Variants in TNR observed in about 807,000 individuals in gnomAD.
TNR encodes the protein tenascin-R.
In TNR, 45 loss-of-function variants were observed where a neutral mutation model predicts 150.4. That is an observed-to-expected ratio of 0.30 (90% CI 0.24 to 0.38). The LOEUF (loss-of-function observed/expected upper bound fraction) is 0.38. TNR is among the 10% of genes least tolerant of loss of function. The pLI, the probability that TNR is intolerant of heterozygous loss-of-function variation, is 1.00. For synonymous variants in TNR, 687 were observed against 678.4 expected (o/e 1.01, Z -0.20); for missense variants, 1,544 against 1,759.1 (o/e 0.88, Z 2.19).
chr1:175,651,948 ATAAT>A (rs1439949240), intron 1 of TNR, among the ~76,000 whole-genome samples: 1 of 151,302 alleles, frequency 6.6e-6, no homozygotes, highest in Non-Finnish European at 1.5e-5. Flanking sequence ...TGAAATAAGA[ATAAT>A]TATATTATTA....
At chr1:175,724,235 A>G (rs543629140) in intron 1 of TNR, among the ~76,000 whole-genome samples, 1 of 152,306 alleles carries the variant, frequency 6.6e-6, no homozygotes, top group Admixed American at 6.5e-5. Flanking sequence ...GCTGTACAGG[A>G]AGCATGATGC....
intron 2 of TNR, among the ~76,000 whole-genome samples, chr1:175,450,960 T>C (rs1233775730): frequency 6.6e-6 from 1 of 152,210 alleles, no homozygotes; most frequent in Non-Finnish European, 1.5e-5. Context: ...AATTCACCTT[T>C]AGCTTGAAGT....
At chr1:175,362,959 G>A in intron 13 of TNR, 150 bp from the exon 14 acceptor site, 1 of 1,010,738 alleles carries the variant, frequency 9.9e-7, no homozygotes, top group Non-Finnish European at 1.5e-6. Context: ...TGGGAATGTT[G>A]GAGTGTGAAG....
intron 1 of TNR, among the ~76,000 whole-genome samples, chr1:175,569,995 C>A (rs1661799263): frequency 6.6e-6 from 1 of 152,180 alleles, no homozygotes; most frequent in Non-Finnish European, 1.5e-5. Flanking sequence ...TAGCTGGCGG[C>A]CAAGACCTTA....
At chr1:175,697,783 A>G (rs1255625738) in intron 1 of TNR, among the ~76,000 whole-genome samples, 3 of 152,198 alleles carry the variant, frequency 2.0e-5, no homozygotes, top group Admixed American at 1.3e-4. Context: ...AACCCTCCTG[A>G]GTCCCCCCAC....
At chr1:175,352,930 T>C (rs1480343576) in intron 18 of TNR, among the ~76,000 whole-genome samples, 1 of 152,142 alleles carries the variant, frequency 6.6e-6, no homozygotes, top group Admixed American at 6.5e-5. Flanking sequence ...GGGGACTTTC[T>C]CTCACCTCTC....
intron 1 of TNR, among the ~76,000 whole-genome samples, chr1:175,655,878 G>T (rs867248019): frequency 6.6e-6 from 1 of 152,166 alleles, no homozygotes; most frequent in Admixed American, 6.5e-5. Context: ...GAGTCTCCTT[G>T]GGGATAGATG....
chr1:175,641,073 A>C (rs1664643114), intron 1 of TNR, among the ~76,000 whole-genome samples: 1 of 152,240 alleles, frequency 6.6e-6, no homozygotes, highest in Admixed American at 6.5e-5. Context: ...CGATAATAAA[A>C]GAACTCAAAG....
intron 2 of TNR, among the ~76,000 whole-genome samples, chr1:175,513,140 G>A (rs996012228): frequency 6.6e-6 from 1 of 152,174 alleles, no homozygotes; most frequent in African/African-American, 2.4e-5. Context: ...GGATAACATG[G>A]TAATCCTTGT....
At chr1:175,734,638 C>A (rs1667724749) in intron 1 of TNR, among the ~76,000 whole-genome samples, 2 of 152,330 alleles carry the variant, frequency 1.3e-5, no homozygotes, top group Middle Eastern at 3.4e-3. Flanking sequence ...AGCTGACCTG[C>A]CTCAAATTGT....
intron 20 of TNR, 162 bp from the exon 21 acceptor site, chr1:175,330,397 G>A: frequency 2.9e-6 from 2 of 693,838 alleles, no homozygotes; most frequent in Non-Finnish European, 4.4e-6. Flanking sequence ...AATGGACCCT[G>A]CCAGACTGAA....
intron 18 of TNR, among the ~76,000 whole-genome samples, chr1:175,350,221 G>T (rs1220821365): frequency 6.6e-6 from 1 of 152,190 alleles, no homozygotes; most frequent in African/African-American, 2.4e-5. Flanking sequence ...AGGGACAGGA[G>T]CAAAGGTAAT....
At chr1:175,554,618 A>G (rs6425352) in intron 1 of TNR, among the ~76,000 whole-genome samples, 83,506 of 151,682 alleles carry the variant, frequency 0.55, 23,291 homozygotes, top group East Asian at 0.7. Flanking sequence ...GTGGCAGTGC[A>G]GTATTTGGTG....
intron 1 of TNR, among the ~76,000 whole-genome samples, chr1:175,587,973 G>A (rs1234717593): frequency 6.6e-6 from 1 of 152,178 alleles, no homozygotes; most frequent in Non-Finnish European, 1.5e-5. Flanking sequence ...AAGGATGGGG[G>A]TCATTGGCTT....
intron 2 of TNR, among the ~76,000 whole-genome samples, chr1:175,417,006 TCAAA>T (rs1216977490): frequency 6.5e-5 from 1 of 15,492 alleles, no homozygotes; most frequent in African/African-American, 3.2e-4. Flanking sequence ...AGACTCCATC[TCAAA>T]AAAAGAAAGA....
chr1:175,436,254 C>T (rs1181654819), intron 2 of TNR, among the ~76,000 whole-genome samples: 1 of 152,194 alleles, frequency 6.6e-6, no homozygotes, highest in Non-Finnish European at 1.5e-5. Flanking sequence ...GTTCCATTCT[C>T]CCCGTCACTT....
intron 2 of TNR, among the ~76,000 whole-genome samples, chr1:175,412,059 A>G (rs567807883): frequency 2.0e-5 from 3 of 152,242 alleles, no homozygotes; most frequent in Admixed American, 6.5e-5. Flanking sequence ...GCAGGGCCCT[A>G]TGGTGATTTT....
intron 2 of TNR, among the ~76,000 whole-genome samples, chr1:175,464,539 GAAC>G (rs1441133510): frequency 6.6e-6 from 1 of 152,214 alleles, no homozygotes; most frequent in African/African-American, 2.4e-5. Flanking sequence ...ATAGCACCCA[GAAC>G]ATAGGCGTTC....
At chr1:175,570,430 T>TG (rs1661818554) in intron 1 of TNR, among the ~76,000 whole-genome samples, 1 of 152,146 alleles carries the variant, frequency 6.6e-6, no homozygotes, top group Admixed American at 6.5e-5. Flanking sequence ...AGAGGGTGTG[T>TG]GGGGGGTGTT....
Sources: allele counts gnomAD v4.1 joint callset (sites outside exome capture counted in the v4.1 genomes callset), GRCh38; gene constraint gnomAD v4.1.1; transcripts MANE v1.5; gene names NCBI Gene and HGNC (gene_info 2026-07-23, HGNC 2026-07-21).